The following KIRREL3 variants were observed in gnomAD, a reference collection of about 807,000 sequenced individuals.
KIRREL3 encodes the protein kirre like nephrin family adhesion molecule 3, also known as kin of IRRE-like protein 3.
A neutral mutation model predicts 89.7 loss-of-function variants in KIRREL3; 36 were observed. The observed-to-expected ratio is 0.40, with a 90% CI of 0.31 to 0.53. The LOEUF (loss-of-function observed/expected upper bound fraction) is 0.53. Ranked by LOEUF, KIRREL3 falls within the 20% of genes least tolerant of loss-of-function variation. KIRREL3 has a pLI of 0.49. For missense variants in KIRREL3, 864 were observed against 1,056.6 expected, an observed-to-expected ratio of 0.82 and a Z score of 2.53; for synonymous variants, 445 against 441.4, an observed-to-expected ratio of 1.01 and a Z score of -0.10.
Position 127,000,107 on chromosome 11 carries a change from G to A in KIRREL3, c.55+348C>T, listed in dbSNP as rs1008994066. Among the ~76,000 whole-genome samples the A allele has an allele frequency of 1.3e-5, 2 of 152,036 alleles. No individual in the cohort carries two copies. Among genetic ancestry groups the A allele is most frequent in the Non-Finnish European group, 2.9e-5 (2 of 68,012 alleles). ...CTGGCCTGGGTCTGAAGGAGAGGAG[G>A]TGCCCAGAAGTTCAGAGCGGCATAA... is the stretch of plus-strand genomic sequence containing the variant. On this transcript the variant is annotated intron_variant, in intron 1 of 16. Coordinates refer to ENST00000525144, the MANE Select transcript of KIRREL3 (RefSeq NM_032531.4). This position sits in a 1 kb window ranked among gnomAD's most constrained non-coding sequence, Gnocchi z 7.1.
At position 126,569,576 on chromosome 11, in the gene KIRREL3, C is replaced by G. The variant is rs148195285; in HGVS notation, c.56-6664G>C. Among the ~76,000 whole-genome samples the G allele has an allele frequency of 2.1e-3, 326 of 152,284 alleles. 3 individuals are homozygous for G. Among genetic ancestry groups the G allele is most frequent in the African/African-American group, 7.1e-3 (297 of 41,564 alleles). The stretch of plus-strand genomic sequence containing the variant: ...AGATACTATAATCCAGTTGGCTATA[C>G]AAGACATATACTTAAGAAAAGGTAA... On this transcript the variant is annotated intron_variant, in intron 1 of 16. Transcript: ENST00000525144. The surrounding 1 kb of genome is among the most constrained non-coding windows in gnomAD (Gnocchi z 6.5).
At chr11:127,000,823 G>A (rs1950299293), upstream of KIRREL3, 3 of 477,492 alleles carry the variant, frequency 6.3e-6, no homozygotes, top group Non-Finnish European at 1.1e-5. This position sits in a 1 kb window ranked among gnomAD's most constrained non-coding sequence, Gnocchi z 7.1. Flanking sequence ...CTCCCACAGT[G>A]AGCGAGCGAG....
At position 126,513,400 on chromosome 11, in the gene KIRREL3, G is replaced by A. The variant is rs555976104; in HGVS notation, c.433+7915C>T. Reference sequence around the variant, plus strand: ...GTGGCACTGGCTGGGGTAGGGTGGGGCTGTGCATTCCTTGCATCAGGTCTT... The same window carrying A: ...GTGGCACTGGCTGGGGTAGGGTGGGACTGTGCATTCCTTGCATCAGGTCTT... On this transcript the variant is annotated intron_variant, in intron 4 of 16. Transcript: ENST00000525144. This position sits in a 1 kb window ranked among gnomAD's most constrained non-coding sequence, Gnocchi z 5.9. Among the ~76,000 whole-genome samples the A allele has an allele frequency of 2.0e-5, 3 of 152,276 alleles. No individual in the cohort carries two copies. The highest frequency in any genetic ancestry group is 4.1e-4 in the South Asian group (2 of 4,824).
intron 1 of KIRREL3, among the ~76,000 whole-genome samples, chr11:126,693,522 G>A (rs1024182859): frequency 6.6e-5 from 10 of 152,046 alleles, no homozygotes; most frequent in African/African-American, 1.9e-4. Flanking sequence ...AGACTCTGCC[G>A]GCATGCCGTA....
intron 1 of KIRREL3, among the ~76,000 whole-genome samples, chr11:126,880,845 G>C (rs557791337): frequency 1.4e-4 from 21 of 152,322 alleles, no homozygotes; most frequent in African/African-American, 5.1e-4. Flanking sequence ...CTATTAAATA[G>C]AAAGAGGCTT....
rs1414498195 is a variant in KIRREL3, at chr11:126,747,939, G to A, written c.56-185027C>T. 2.0e-5 allele frequency among the ~76,000 whole-genome samples: 3 copies of A among 152,044 alleles called. No individual in the cohort carries two copies. The highest frequency in any genetic ancestry group is 4.4e-5 in the Non-Finnish European group (3 of 68,020). On this transcript the variant is annotated intron_variant, in intron 1 of 16. Coordinates refer to ENST00000525144, the MANE Select transcript of KIRREL3 (RefSeq NM_032531.4). The surrounding 1 kb of genome is among the most constrained non-coding windows in gnomAD (Gnocchi z 4.7). ...TCCCTATCCCACAGGGTCTAGATGC[G>A]GCCTTCCCAGGTGACTTTCTGCTCT...
intron 1 of KIRREL3, among the ~76,000 whole-genome samples, chr11:126,602,138 A>C (rs1053961581): frequency 2.0e-5 from 3 of 152,182 alleles, no homozygotes; most frequent in African/African-American, 4.8e-5. Context: ...GCGGTGGCAA[A>C]GAGGTCAGCC....
chr11:126,773,603 G>C lies in KIRREL3; in HGVS notation c.56-210691C>G, dbSNP rs1377795840. On this transcript the variant is annotated intron_variant, in intron 1 of 16. Transcript: ENST00000525144. The surrounding 1 kb of genome is among the most constrained non-coding windows in gnomAD (Gnocchi z 4.2). ...CTGGGTCTAGATCCTAGATCACAGA[G>C]ATGTGGGAATAATGATCTCCTTACA... 6.6e-6 allele frequency among the ~76,000 whole-genome samples: 1 copy of C among 152,232 alleles called. No individual in the cohort carries two copies. The highest frequency in any genetic ancestry group is 2.4e-5 in the African/African-American group (1 of 41,462).
chr11:126,430,958 A>G lies in KIRREL3; in HGVS notation c.1696+461T>C, dbSNP rs1955106318. 1 of 1,045,274 alleles carries G rather than the reference A, an allele frequency of 9.6e-7. No homozygotes were observed. Among genetic ancestry groups the G allele is most frequent in the East Asian group, 7.9e-5 (1 of 12,636 alleles). 64.7% of individuals were successfully genotyped at this position (1,045,274 alleles called of 1,614,324 possible). ...GACCTTTAAAAGTTTTCTCAAAGCA[A>G]TTCCTTTATTGCTTCCCCACCCACT... On this transcript the variant is annotated intron_variant, in intron 14 of 16. Coordinates refer to ENST00000525144, the MANE Select transcript of KIRREL3 (RefSeq NM_032531.4). This position sits in a 1 kb window ranked among gnomAD's most constrained non-coding sequence, Gnocchi z 6.6.
intron 4 of KIRREL3, among the ~76,000 whole-genome samples, chr11:126,506,391 T>C (rs572796984): frequency 6.6e-6 from 1 of 152,298 alleles, no homozygotes; most frequent in Non-Finnish European, 1.5e-5. Context: ...TATAAAGAAC[T>C]CCTATAACAT....
chr11:126,646,527 T>G (rs1327739613), intron 1 of KIRREL3, among the ~76,000 whole-genome samples: 1 of 145,558 alleles, frequency 6.9e-6, no homozygotes. Flanking sequence ...CAGGCTGGAG[T>G]GCAGTGGCAT....
chr11:126,463,127 G>A lies in KIRREL3; in HGVS notation c.742+30C>T, dbSNP rs575317740. 1.5e-5 allele frequency: 24 copies of A among 1,605,974 alleles called. No homozygotes were observed. Among genetic ancestry groups the A allele is most frequent in the African/African-American group, 4.0e-5 (3 of 74,896 alleles). On this transcript the variant is annotated intron_variant, in intron 6 of 16. Coordinates refer to ENST00000525144, the MANE Select transcript of KIRREL3 (RefSeq NM_032531.4). The surrounding 1 kb of genome is among the most constrained non-coding windows in gnomAD (Gnocchi z 5.9). ...GGTGTTTCACCCTGGGCCTGGCAGG[G>A]CTGGGTTGGGGGAGGGGGTGGGTAC...
rs1945896992 is a variant in KIRREL3, at chr11:126,890,978, A to T, written c.55+109477T>A. On this transcript the variant is annotated intron_variant, in intron 1 of 16. Coordinates refer to ENST00000525144, the MANE Select transcript of KIRREL3 (RefSeq NM_032531.4). The surrounding 1 kb of genome is among the most constrained non-coding windows in gnomAD (Gnocchi z 5.1). ...CTTGGTTCATTACATTTCTGAGCCC[A>T]CTCTGCTGCCTTTATTTAATGAGGT... Among the ~76,000 whole-genome samples the T allele has an allele frequency of 6.6e-6, 1 of 151,916 alleles. No homozygotes were observed. Among genetic ancestry groups the T allele is most frequent in the Non-Finnish European group, 1.5e-5 (1 of 67,962 alleles).
rs1398134423 is a variant in KIRREL3 at position 126,953,727 on chromosome 11, C to A, written c.55+46728G>T. ...TTTTTGCAAAAGAGTAATTCTGACA[C>A]ATTTAAACCACAGACTAGCAGGAAA... is the stretch of plus-strand genomic sequence containing the variant. On this transcript the variant is annotated intron_variant, in intron 1 of 16. Transcript: ENST00000525144. The surrounding 1 kb of genome is among the most constrained non-coding windows in gnomAD (Gnocchi z 5.2). 6.6e-6 allele frequency among the ~76,000 whole-genome samples: 1 copy of A among 152,152 alleles called. No homozygotes were observed. Among genetic ancestry groups the A allele is most frequent in the Non-Finnish European group, 1.5e-5 (1 of 68,022 alleles).
chr11:126,863,632 TGC>T (rs1391767161), intron 1 of KIRREL3, among the ~76,000 whole-genome samples: 5 of 35,662 alleles, frequency 1.4e-4, no homozygotes, highest in South Asian at 3.0e-3. Flanking sequence ...TGTGTTTGAG[TGC>T]GTGTGTGTGT....
At chr11:126,745,584 T>A (rs973629105) in intron 1 of KIRREL3, among the ~76,000 whole-genome samples, 2 of 152,160 alleles carry the variant, frequency 1.3e-5, no homozygotes, top group Non-Finnish European at 2.9e-5. Flanking sequence ...AGTGGCTCTT[T>A]ATTTCCCCTG....
intron 1 of KIRREL3, among the ~76,000 whole-genome samples, chr11:126,815,136 C>A (rs992055623): frequency 6.6e-6 from 1 of 152,146 alleles, no homozygotes; most frequent in Non-Finnish European, 1.5e-5. Context: ...ACAAAAGACA[C>A]CTGGCTTGCA....
rs778565633 is a variant in KIRREL3, at chr11:126,492,093, T to C, written c.434-18627A>G. Among the ~76,000 whole-genome samples the C allele has an allele frequency of 6.6e-6, 1 of 152,160 alleles. No individual in the cohort carries two copies. The highest frequency in any genetic ancestry group is 1.5e-5 in the Non-Finnish European group (1 of 68,024). On this transcript the variant is annotated intron_variant, in intron 4 of 16. Transcript: ENST00000525144. This position sits in a 1 kb window ranked among gnomAD's most constrained non-coding sequence, Gnocchi z 4.8. ...CCAAAGGGCCCCATCCTTGCTTACC[T>C]CAGTTTCCTCCGGGCTTATAAAATG... is the stretch of plus-strand genomic sequence containing the variant.
At chr11:126,706,434 T>C (rs1343765836) in intron 1 of KIRREL3, among the ~76,000 whole-genome samples, 3 of 152,204 alleles carry the variant, frequency 2.0e-5, no homozygotes, top group Non-Finnish European at 2.9e-5. Context: ...TTTGCAAAAA[T>C]GCAGCAATAG....
Sources: gnomAD v4.1 joint callset for allele counts (sites outside exome capture counted in the v4.1 genomes callset) on GRCh38, gnomAD v4.1.1 for gene constraint, Gnocchi (gnomAD v3.1) non-coding constraint, MANE v1.5 for transcripts, NCBI Gene and HGNC (gene_info 2026-07-23, HGNC 2026-07-21) for gene names.